Variants in KIAA1328 observed in about 807,000 individuals in gnomAD.
The protein encoded by KIAA1328 is protein hinderin.
In KIAA1328, 52 loss-of-function variants were observed where a neutral mutation model predicts 68.1. That is an observed-to-expected ratio of 0.76 (90% CI 0.61 to 0.96). The LOEUF is 0.96. Among genes scored for constraint, KIAA1328 ranks in the 40% least tolerant of loss-of-function variants. KIAA1328 has a pLI of 0.00. For missense variants in KIAA1328, 641 were observed against 677.6 expected (o/e 0.95, Z 0.60); for synonymous variants, 232 against 239.4 (o/e 0.97, Z 0.28).
chr18:36,881,052 T>C (rs995243578), intron 4 of KIAA1328, among the ~76,000 whole-genome samples: 1 of 152,124 alleles, frequency 6.6e-6, no homozygotes, highest in African/African-American at 2.4e-5. Context: ...CCTTGTCAAA[T>C]TTTGGTATCA....
At chr18:36,975,855 A>G (rs2052451515) in intron 6 of KIAA1328, among the ~76,000 whole-genome samples, 1 of 152,092 alleles carries the variant, frequency 6.6e-6, no homozygotes, top group Non-Finnish European at 1.5e-5. Flanking sequence ...AGATAAAATT[A>G]TTTTTCCTCC....
intron 7 of KIAA1328, among the ~76,000 whole-genome samples, chr18:37,100,192 G>T (rs947201574): frequency 6.6e-6 from 1 of 152,200 alleles, no homozygotes; most frequent in African/African-American, 2.4e-5. Flanking sequence ...TGGGTGCAGT[G>T]CACCAAGTGT....
Position 36,990,752 on chromosome 18 carries a change from T to C in KIAA1328, c.576+31317T>C, listed in dbSNP as rs1045158474. On this transcript the variant is annotated intron_variant, in intron 6 of 9. Coordinates refer to ENST00000280020, the MANE Select transcript of KIAA1328 (RefSeq NM_020776.3). The stretch of plus-strand genomic sequence containing the variant: ...ATACAGCAGTGAACATCCTTGTACA[T>C]GTAACTTTGAACATGTTTGTGTTTC... Among the ~76,000 whole-genome samples, 13 of 152,188 alleles carry C rather than the reference T, an allele frequency of 8.5e-5. No homozygotes were observed. In the East Asian group the frequency reaches 2.5e-3, roughly 29 times the overall value.
chr18:37,177,408 G>A (rs1205291208), intron 9 of KIAA1328, among the ~76,000 whole-genome samples: 2 of 152,154 alleles, frequency 1.3e-5, no homozygotes, highest in Non-Finnish European at 2.9e-5. Flanking sequence ...AGTCCCTGAA[G>A]TAAAAGGTTA....
At chr18:37,018,299 C>A (rs1194550775) in intron 6 of KIAA1328, among the ~76,000 whole-genome samples, 1 of 152,180 alleles carries the variant, frequency 6.6e-6, no homozygotes, top group Non-Finnish European at 1.5e-5. Context: ...CTCCCAATCT[C>A]TCCTGGCCTG....
chr18:36,865,403 T>C (rs887827307), intron 4 of KIAA1328, among the ~76,000 whole-genome samples: 5 of 152,200 alleles, frequency 3.3e-5, no homozygotes, highest in African/African-American at 1.2e-4. Context: ...TTAGTTCTAT[T>C]ATGAATAGAG....
At chr18:37,155,017 C>T (rs919049333) in intron 7 of KIAA1328, among the ~76,000 whole-genome samples, 12 of 152,270 alleles carry the variant, frequency 7.9e-5, no homozygotes, top group Middle Eastern at 3.4e-3. Flanking sequence ...ACACTGCTTT[C>T]TCTGCTTTTT....
intron 7 of KIAA1328, among the ~76,000 whole-genome samples, chr18:37,074,191 A>G: frequency 6.6e-6 from 1 of 152,196 alleles, no homozygotes; most frequent in Admixed American, 6.6e-5. Context: ...TTAGACAGAG[A>G]GAGCAGGCTG....
chr18:36,910,870 C>G (rs569687900), intron 5 of KIAA1328, among the ~76,000 whole-genome samples: 3 of 152,108 alleles, frequency 2.0e-5, no homozygotes, highest in South Asian at 4.2e-4. Context: ...TCTGCTTGCC[C>G]TCTTGCTTTT....
At chr18:37,056,660 C>CTT (rs1020084578) in intron 6 of KIAA1328, among the ~76,000 whole-genome samples, 14 of 151,790 alleles carry the variant, frequency 9.2e-5, no homozygotes, top group African/African-American at 3.4e-4. Context: ...ATCCTTTTCT[C>CTT]TTTTTTTTGA....
At chr18:37,119,729 T>C (rs118174169) in intron 7 of KIAA1328, among the ~76,000 whole-genome samples, 6,108 of 152,182 alleles carry the variant, frequency 0.04, 161 homozygotes, top group Non-Finnish European at 0.061. Context: ...TGTGTGTGTG[T>C]GAATGTATGT....
chr18:37,095,135 T>C (rs1235627518), intron 7 of KIAA1328, among the ~76,000 whole-genome samples: 1 of 152,130 alleles, frequency 6.6e-6, no homozygotes, highest in Non-Finnish European at 1.5e-5. Context: ...ACAACAATAG[T>C]TGGGAACTTC....
chr18:36,989,496 A>C (rs2053080721), intron 6 of KIAA1328, among the ~76,000 whole-genome samples: 1 of 152,152 alleles, frequency 6.6e-6, no homozygotes, highest in Non-Finnish European at 1.5e-5. Context: ...CTCCGATTCT[A>C]ATTTTTTAAA....
chr18:36,966,643 G>T (rs1273727485), intron 6 of KIAA1328, among the ~76,000 whole-genome samples: 1 of 152,142 alleles, frequency 6.6e-6, no homozygotes, highest in East Asian at 1.9e-4. Context: ...GAGGATACAG[G>T]ATATAAGATC....
At chr18:37,041,941 G>C (rs1394592156) in intron 6 of KIAA1328, among the ~76,000 whole-genome samples, 2 of 151,836 alleles carry the variant, frequency 1.3e-5, no homozygotes, top group Non-Finnish European at 2.9e-5. Context: ...ACCCAGCCTG[G>C]AGTGCAGTGG....
chr18:36,867,920 T>C (rs2047811046), intron 4 of KIAA1328, among the ~76,000 whole-genome samples: 1 of 152,126 alleles, frequency 6.6e-6, no homozygotes, highest in South Asian at 2.1e-4. Context: ...CCCCATAGAC[T>C]AAAATAAAGA....
chr18:36,855,319 T>A (rs1191884114), intron 4 of KIAA1328, among the ~76,000 whole-genome samples: 1 of 152,188 alleles, frequency 6.6e-6, no homozygotes, highest in Non-Finnish European at 1.5e-5. Flanking sequence ...CCAACACTTG[T>A]TATTTTCCAC....
intron 7 of KIAA1328, among the ~76,000 whole-genome samples, chr18:37,103,589 T>G (rs1236293567): frequency 6.6e-6 from 1 of 152,170 alleles, no homozygotes; most frequent in Non-Finnish European, 1.5e-5. Flanking sequence ...AGGACATTGG[T>G]CTTGGTAAAG....
chr18:36,883,616 T>A (rs1175855372), intron 4 of KIAA1328, among the ~76,000 whole-genome samples: 1 of 152,158 alleles, frequency 6.6e-6, no homozygotes, highest in Non-Finnish European at 1.5e-5. Flanking sequence ...ATCATACCCA[T>A]AGGGTAATGT....
Sources: gnomAD v4.1 joint callset for allele counts (sites outside exome capture counted in the v4.1 genomes callset) on GRCh38, gnomAD v4.1.1 for gene constraint, MANE v1.5 for transcripts, NCBI Gene and HGNC (gene_info 2026-07-23, HGNC 2026-07-21) for gene names.